Variants in ETS1 observed in about 807,000 individuals in gnomAD.
The protein encoded by ETS1 is ETS proto-oncogene 1, transcription factor, also known as protein C-ets-1.
A neutral mutation model predicts 58.6 loss-of-function variants in ETS1; 15 were observed. The ratio of observed to expected loss-of-function variants is 0.26; its 90% CI spans 0.17 to 0.39. ETS1 has a LOEUF of 0.39. Among genes scored for constraint, ETS1 ranks in the 10% least tolerant of loss-of-function variants. The pLI, the probability that ETS1 is intolerant of heterozygous loss-of-function variation, is 1.00. For synonymous variants in ETS1, 214 were observed against 218.2 expected (o/e 0.98, Z 0.17); for missense variants, 417 against 610.5 (o/e 0.68, Z 3.34).
intron 1 of ETS1, among the ~76,000 whole-genome samples, chr11:128,575,270 A>G (rs1193353943): frequency 6.6e-6 from 1 of 152,052 alleles, no homozygotes; most frequent in Non-Finnish European, 1.5e-5. Flanking sequence ...TAGAACAATT[A>G]TAACAATATA....
chr11:128,544,364 TA>T (rs1864100645), intron 3 of ETS1, among the ~76,000 whole-genome samples: 1 of 146,598 alleles, frequency 6.8e-6, no homozygotes, highest in African/African-American at 2.5e-5. Context: ...TATATATATA[TA>T]TATGGAATTT....
At chr11:128,562,365 T>C (rs1460451242) in intron 2 of ETS1, among the ~76,000 whole-genome samples, 2 of 152,206 alleles carry the variant, frequency 1.3e-5, no homozygotes, top group Non-Finnish European at 2.9e-5. Flanking sequence ...GCCGAGATCG[T>C]GCCATTGCAC....
At chr11:128,483,885 T>C (rs1862555405) in intron 7 of ETS1, among the ~76,000 whole-genome samples, 1 of 152,192 alleles carries the variant, frequency 6.6e-6, no homozygotes, top group Non-Finnish European at 1.5e-5. Context: ...CTTTCTCCTG[T>C]TCCTCTTCCC....
rs533644788 is a variant in ETS1 at position 128,549,043 on chromosome 11, G to A, written c.214+7248C>T. Reference sequence around the variant, plus strand: ...GGTTAGGGACCGGGAGGCTGGGGGAGGGGAGCGGGCCGCCTCCTCCAGCTG... The same window carrying A: ...GGTTAGGGACCGGGAGGCTGGGGGAAGGGAGCGGGCCGCCTCCTCCAGCTG... On this transcript the variant is annotated intron_variant, in intron 3 of 9. Coordinates refer to ENST00000392668, the MANE Select transcript of ETS1 (RefSeq NM_001143820.2). This position sits in a 1 kb window ranked among gnomAD's most constrained non-coding sequence, Gnocchi z 4.3. 6.6e-5 allele frequency among the ~76,000 whole-genome samples: 10 copies of A among 152,296 alleles called. No homozygotes were observed. The highest frequency in any genetic ancestry group is 3.4e-3 in the Middle Eastern group (1 of 294).
At chr11:128,480,911 C>T (rs1051304620) in intron 7 of ETS1, among the ~76,000 whole-genome samples, 2 of 152,100 alleles carry the variant, frequency 1.3e-5, no homozygotes, top group South Asian at 4.2e-4. Flanking sequence ...CTTCAAAAGG[C>T]CCAGTTTGGA....
chr11:128,584,938 A>AAAG (rs1555092838), intron 1 of ETS1, among the ~76,000 whole-genome samples: 18 of 62,596 alleles, frequency 2.9e-4, no homozygotes, highest in Non-Finnish European at 4.9e-4. Context: ...GAAAAAAGAG[A>AAAG]AAAGAAAGAA....
At position 128,489,351 on chromosome 11, in the gene ETS1, G is replaced by T. The variant is rs772398305; in HGVS notation, c.474C>A (p.Leu158=). 6.2e-7 allele frequency: 1 copy of T among 1,614,168 alleles called. No individual in the cohort carries two copies. Among genetic ancestry groups the T allele is most frequent in the Non-Finnish European group, 8.5e-7 (1 of 1,180,018 alleles). The change falls in exon 5 of 10, where the codon CTC becomes CTA. Residue 158 remains leucine (L), a synonymous_variant. Coordinates refer to ENST00000392668, the MANE Select transcript of ETS1 (RefSeq NM_001143820.2). ...ALCALGKDCF[L]ELAPDFVGDI... ...CCCCAACAAAGTCTGGGGCCAGCTC[G>T]AGAAAGCAGTCTTTACCCAGGGCGC...
At chr11:128,462,842 G>A (rs1030528125) in intron 9 of ETS1, among the ~76,000 whole-genome samples, 1 of 152,082 alleles carries the variant, frequency 6.6e-6, no homozygotes, top group Non-Finnish European at 1.5e-5. Flanking sequence ...TTAAATATGT[G>A]ACTTTAAAAA....
In ETS1 at chr11:128,583,405, T is replaced by G. The variant is rs184617302; in HGVS notation, c.-15+4083A>C. 6.7e-4 allele frequency among the ~76,000 whole-genome samples: 102 copies of G among 152,308 alleles called. 1 individual carries two copies. The East Asian group carries it at 0.014, about 21-fold the overall frequency. Reference sequence around the variant, plus strand: ...CTTGCTTTTCCTAAGAAGACATGGTTCTAGTTATTTGGTCCCTTTTATCAA... The same window carrying G: ...CTTGCTTTTCCTAAGAAGACATGGTGCTAGTTATTTGGTCCCTTTTATCAA... On this transcript the variant is annotated intron_variant, in intron 1 of 9. Transcript: ENST00000392668.
chr11:128,507,000 C>T (rs1863255724), intron 3 of ETS1, among the ~76,000 whole-genome samples: 1 of 152,092 alleles, frequency 6.6e-6, no homozygotes, highest in Non-Finnish European at 1.5e-5. Flanking sequence ...GGCTCTTTCG[C>T]CCTCCAGTCC....
chr11:128,565,020 AC>A (rs1864467253), intron 2 of ETS1, among the ~76,000 whole-genome samples: 1 of 147,770 alleles, frequency 6.8e-6, no homozygotes, highest in Non-Finnish European at 1.5e-5. Flanking sequence ...CTTACATATC[AC>A]CAAATATCAA....
At position 128,582,633 on chromosome 11, in the gene ETS1, C is replaced by T. The variant is rs565481585; in HGVS notation, c.-15+4855G>A. Among the ~76,000 whole-genome samples, 5 of 152,234 alleles carry T rather than the reference C, an allele frequency of 3.3e-5. No homozygotes were observed. The South Asian group carries it at 1.0e-3, about 32-fold the overall frequency. On this transcript the variant is annotated intron_variant, in intron 1 of 9. Transcript: ENST00000392668. ...GTATTCAAGTCATGAAAACAGGATT[C>T]CCTTTCATAATCATAGGTTGAGTAG... is the stretch of plus-strand genomic sequence containing the variant.
intron 3 of ETS1, among the ~76,000 whole-genome samples, chr11:128,553,703 C>G (rs1206428147): frequency 2.0e-5 from 3 of 151,998 alleles, no homozygotes; most frequent in Admixed American, 6.6e-5. Context: ...CACCCTCCTC[C>G]TCCTCCTCCT....
chr11:128,524,907 C>T (rs372574076), intron 3 of ETS1, among the ~76,000 whole-genome samples: 61 of 152,228 alleles, frequency 4.0e-4, no homozygotes, highest in African/African-American at 1.3e-3. Context: ...CCAGCACTCA[C>T]GTCCACTCGG....
intron 3 of ETS1, chr11:128,536,831 T>C (rs1401871569): frequency 6.6e-6 from 1 of 152,256 alleles, no homozygotes; most frequent in African/African-American, 2.4e-5. Flanking sequence ...ATTCATTTCA[T>C]ACTCTCTTCA....
At chr11:128,511,714 A>T (rs56844564) in intron 3 of ETS1, among the ~76,000 whole-genome samples, 1 of 152,216 alleles carries the variant, frequency 6.6e-6, no homozygotes, top group Non-Finnish European at 1.5e-5. Flanking sequence ...TATTAATAAC[A>T]TCATTATTAT....
rs934995349 is a variant in ETS1, at chr11:128,461,586, A to G, written c.*775T>C. On this transcript the variant is annotated 3_prime_UTR_variant, in exon 10 of 10. Coordinates refer to ENST00000392668, the MANE Select transcript of ETS1 (RefSeq NM_001143820.2). Reference sequence around the variant, plus strand: ...TCAGCATTAATTGTCCTTCTTATATAAGTCCCATGAATTTGGGATCCCTGA... The same window carrying G: ...TCAGCATTAATTGTCCTTCTTATATGAGTCCCATGAATTTGGGATCCCTGA... The G allele has an allele frequency of 1.3e-5, 2 of 152,718 alleles. No homozygotes were observed. The highest frequency in any genetic ancestry group is 2.9e-5 in the Non-Finnish European group (2 of 68,030). 9.5% of individuals were successfully genotyped at this position (152,718 alleles called of 1,614,324 possible). A position where few individuals can be genotyped will look rare whatever the true frequency, so the allele number is the denominator to read the frequency against.
chr11:128,565,062 T>TAAATAAATAAATA (rs779396076), intron 2 of ETS1, among the ~76,000 whole-genome samples: 15 of 54,452 alleles, frequency 2.8e-4, no homozygotes, highest in Non-Finnish European at 4.2e-4. Context: ...ATAAATAAAA[T>TAAATAAATAAATA]AAATGTGTTT....
chr11:128,510,921 T>C (rs1863376452), intron 3 of ETS1, among the ~76,000 whole-genome samples: 2 of 152,234 alleles, frequency 1.3e-5, no homozygotes, highest in African/African-American at 4.8e-5. Context: ...TTACGTTTTT[T>C]GGTAAGGAAC....
Sources: allele counts gnomAD v4.1 joint callset (sites outside exome capture counted in the v4.1 genomes callset), GRCh38; gene constraint gnomAD v4.1.1; non-coding constraint Gnocchi (gnomAD v3.1); transcripts MANE v1.5; gene names NCBI Gene and HGNC (gene_info 2026-07-23, HGNC 2026-07-21).